The following TCERG1L variants were observed in gnomAD, a reference collection of about 807,000 sequenced individuals.
TCERG1L encodes transcription elongation regulator 1-like protein.
In TCERG1L, 37 loss-of-function variants were observed where a neutral mutation model predicts 56.3. The observed-to-expected ratio is 0.66, with a 90% confidence interval of 0.51 to 0.87. The LOEUF (loss-of-function observed/expected upper bound fraction) is 0.87, where lower values mean the gene tolerates loss of function less well. Among genes scored for constraint, TCERG1L ranks in the 40% least tolerant of loss-of-function variants. The pLI is 0.00. For missense variants in TCERG1L, 799 were observed against 774.2 expected, an observed-to-expected ratio of 1.03 and a Z score of -0.38; for synonymous variants, 324 against 326.3, an observed-to-expected ratio of 0.99 and a Z score of 0.08.
chr10:131,203,987 T>A (rs1564814651), intron 4 of TCERG1L, among the ~76,000 whole-genome samples: 1 of 152,156 alleles, frequency 6.6e-6, no homozygotes, highest in Non-Finnish European at 1.5e-5. Flanking sequence ...AATAGGACGA[T>A]ATGAAGAGGT....
chr10:131,225,544 A>G (rs1440139479), intron 4 of TCERG1L, among the ~76,000 whole-genome samples: 1 of 152,126 alleles, frequency 6.6e-6, no homozygotes, highest in Non-Finnish European at 1.5e-5. Context: ...CAGACCCAAG[A>G]TGCATTTCGA....
intron 3 of TCERG1L, among the ~76,000 whole-genome samples, chr10:131,288,182 C>T (rs1480578920): frequency 6.6e-6 from 1 of 152,200 alleles, no homozygotes; most frequent in Non-Finnish European, 1.5e-5. Context: ...TAAAATCAGT[C>T]TGTTCTTACA....
rs868813363 is a variant in TCERG1L, at chr10:131,185,674, C to G, written c.857-18789G>C. The stretch of plus-strand genomic sequence containing the variant: ...CACTAGTTGCTAGGGAAATGCAAAA[C>G]CAAACCACAGAGAACACATTAAACT... On this transcript the variant is annotated intron_variant, in intron 4 of 11. Transcript: ENST00000368642. Among the ~76,000 whole-genome samples the G allele has an allele frequency of 1.3e-4, 19 of 151,974 alleles. No homozygotes were observed. The Middle Eastern group carries it at 0.01, about 82-fold the overall frequency.
rs184589345 is a variant in TCERG1L, at chr10:131,116,215, T to C, written c.1395+584A>G. The stretch of plus-strand genomic sequence containing the variant: ...CCCCGACCCCCAAGTCAAAGTGAGA[T>C]TTGGAAATCAGCTACACTGAAGATA... On this transcript the variant is annotated intron_variant, in intron 9 of 11. Transcript: ENST00000368642. Among the ~76,000 whole-genome samples, 1,093 of 152,162 alleles carry C rather than the reference T, an allele frequency of 7.2e-3. 10 individuals are homozygous for C. Among genetic ancestry groups the C allele is most frequent in the Admixed American group, 0.023 (350 of 15,292 alleles).
At chr10:131,296,465 G>A (rs1052770521) in intron 3 of TCERG1L, among the ~76,000 whole-genome samples, 6 of 152,134 alleles carry the variant, frequency 3.9e-5, no homozygotes, top group African/African-American at 1.2e-4. Context: ...GGTCTACTAC[G>A]ATGTTCTATT....
At chr10:131,245,887 C>T (rs72841355) in intron 4 of TCERG1L, among the ~76,000 whole-genome samples, 17,133 of 152,022 alleles carry the variant, frequency 0.11, 1,356 homozygotes, top group Non-Finnish European at 0.18. Flanking sequence ...GCAGAGGCCT[C>T]GGGTGGATGG....
At chr10:131,237,138 G>C (rs377252660) in intron 4 of TCERG1L, among the ~76,000 whole-genome samples, 1 of 152,004 alleles carries the variant, frequency 6.6e-6, no homozygotes, top group Non-Finnish European at 1.5e-5. Context: ...ACTCCTGACG[G>C]AGGCTTTCTG....
chr10:131,190,340 A>G (rs936619172), intron 4 of TCERG1L, among the ~76,000 whole-genome samples: 2 of 152,228 alleles, frequency 1.3e-5, no homozygotes, highest in African/African-American at 4.8e-5. Flanking sequence ...GCATTCTACC[A>G]GACATTCAAA....
intron 4 of TCERG1L, among the ~76,000 whole-genome samples, chr10:131,258,094 A>G (rs1181055600): frequency 6.6e-6 from 1 of 151,208 alleles, no homozygotes; most frequent in Non-Finnish European, 1.5e-5. Flanking sequence ...CCCTCTACCC[A>G]CCCCTCCATG....
chr10:131,142,719 G>A (rs1845751728), intron 7 of TCERG1L, among the ~76,000 whole-genome samples: 1 of 152,160 alleles, frequency 6.6e-6, no homozygotes. Flanking sequence ...TAGAGGTGTG[G>A]CCCTGGGCAA....
At chr10:131,306,487 G>A (rs1257674052) in intron 3 of TCERG1L, among the ~76,000 whole-genome samples, 3 of 151,866 alleles carry the variant, frequency 2.0e-5, no homozygotes, top group Non-Finnish European at 1.5e-5. Flanking sequence ...AGAATGAAAG[G>A]TTGTTCTGCT....
intron 4 of TCERG1L, among the ~76,000 whole-genome samples, chr10:131,194,109 G>A (rs924287979): frequency 2.6e-5 from 4 of 152,324 alleles, no homozygotes; most frequent in Middle Eastern, 3.4e-3. Flanking sequence ...CACACCACAC[G>A]GCATGGAGCT....
At chr10:131,262,676 T>C (rs991769886) in intron 3 of TCERG1L, among the ~76,000 whole-genome samples, 2 of 152,186 alleles carry the variant, frequency 1.3e-5, no homozygotes, top group Admixed American at 6.5e-5. Flanking sequence ...CGGTGTTCAC[T>C]GGGGTTCACC....
At chr10:131,177,148 G>A (rs1249023305) in intron 4 of TCERG1L, among the ~76,000 whole-genome samples, 16 of 140,318 alleles carry the variant, frequency 1.1e-4, no homozygotes, top group Non-Finnish European at 2.1e-4. Context: ...ACACAGACAC[G>A]TGTACACACA....
In TCERG1L at chr10:131,134,411, C is replaced by T; in HGVS notation, c.1227G>A (p.Arg409=). The T allele has an allele frequency of 6.3e-7, 1 of 1,595,664 alleles. No individual in the cohort carries two copies. Among genetic ancestry groups the T allele is most frequent in the East Asian group, 2.3e-5 (1 of 44,432 alleles). Residue 409 remains arginine, a synonymous_variant, in exon 8 of 12, where the codon AGG becomes AGA. Coordinates refer to ENST00000368642, the MANE Select transcript of TCERG1L (RefSeq NM_174937.4). ...NSDGSSSEDN[R]EDQDVKTKRN... is the part of the protein sequence containing the mutation. ...TCTTGGTTTTCACATCTTGGTCTTC[C>T]CTGTTGTCTTCAGAACTGGACCCAT... is the stretch of plus-strand genomic sequence containing the variant.
chr10:131,310,569 C>G (rs1846876387), intron 1 of TCERG1L, among the ~76,000 whole-genome samples: 1 of 152,258 alleles, frequency 6.6e-6, no homozygotes, highest in Admixed American at 6.5e-5. Flanking sequence ...GACAATGAAT[C>G]TTGCCCAAAC....
At chr10:131,165,359 G>T (rs1461563818) in intron 5 of TCERG1L, among the ~76,000 whole-genome samples, 1 of 152,136 alleles carries the variant, frequency 6.6e-6, no homozygotes, top group Non-Finnish European at 1.5e-5. Flanking sequence ...GGAAGGGGTG[G>T]TCTCTTTACG....
At chr10:131,238,191 C>G (rs1223906335) in intron 4 of TCERG1L, among the ~76,000 whole-genome samples, 1 of 152,176 alleles carries the variant, frequency 6.6e-6, no homozygotes, top group Non-Finnish European at 1.5e-5. Flanking sequence ...GGGTCCGCTC[C>G]GGCAGGATCT....
chr10:131,132,527 G>A (rs904431160), intron 8 of TCERG1L, among the ~76,000 whole-genome samples: 3 of 152,200 alleles, frequency 2.0e-5, no homozygotes, highest in African/African-American at 7.2e-5. Context: ...TTCGGATCCC[G>A]CCTCCCACAC....
Sources: allele counts gnomAD v4.1 joint callset (sites outside exome capture counted in the v4.1 genomes callset), GRCh38; gene constraint gnomAD v4.1.1; transcripts MANE v1.5; gene names NCBI Gene and HGNC (gene_info 2026-07-23, HGNC 2026-07-21).